The following CCDC146 variants were observed in gnomAD, a reference collection of about 807,000 sequenced individuals.
CCDC146 encodes coiled-coil domain containing 146, also known as coiled-coil domain-containing protein 146.
In CCDC146, 92 loss-of-function variants were observed where a neutral mutation model predicts 119.3. That is an observed-to-expected ratio of 0.77 (90% confidence interval 0.65 to 0.92). CCDC146 has a LOEUF of 0.92. Ranked by LOEUF, CCDC146 falls within the 40% of genes least tolerant of loss-of-function variation. The probability of loss-of-function intolerance (pLI) is 0.00; values close to 1 mark genes in which losing one functional copy is unlikely to be tolerated. For missense variants in CCDC146, 1,000 were observed against 1,103.0 expected, an observed-to-expected ratio of 0.91 and a Z score of 1.32; for synonymous variants, 372 against 371.8, an observed-to-expected ratio of 1.00 and a Z score of -0.01.
chr7:77,198,043 G>A, intron 2 of CCDC146: 2 of 773,204 alleles, frequency 2.6e-6, no homozygotes, highest in Non-Finnish European at 3.1e-6. Flanking sequence ...AAATGTTTAG[G>A]AGAAAAATAG....
chr7:77,196,511 T>C lies in CCDC146; in HGVS notation c.156+28687T>C, dbSNP rs755801771. 5 of 1,614,128 alleles carry C rather than the reference T, an allele frequency of 3.1e-6. No individual in the cohort carries two copies. The highest frequency in any genetic ancestry group is 1.7e-5 in the Admixed American group (1 of 60,026). ...ACAGTTCCCAGAAGGATATCGATCATTGTCTTTATCTGGAGTGGTGAAAAA... is the reference window on the plus strand; with the variant it reads ...ACAGTTCCCAGAAGGATATCGATCACTGTCTTTATCTGGAGTGGTGAAAAA... On this transcript the variant is annotated intron_variant, in intron 2 of 18. Transcript: ENST00000285871. The surrounding 1 kb of genome is among the most constrained non-coding windows in gnomAD (Gnocchi z 4.2).
At chr7:77,288,557 A>T (rs1390399389) in intron 17 of CCDC146, among the ~76,000 whole-genome samples, 1 of 152,246 alleles carries the variant, frequency 6.6e-6, no homozygotes, top group Non-Finnish European at 1.5e-5. Flanking sequence ...CCTTTCATGC[A>T]TACCATAGAG....
At chr7:77,243,634 A>G (rs1471429900) in intron 4 of CCDC146, among the ~76,000 whole-genome samples, 1 of 150,296 alleles carries the variant, frequency 6.7e-6, no homozygotes, top group East Asian at 1.9e-4. Context: ...AGTATTTACT[A>G]TTCGATACAT....
chr7:77,277,542 G>C (rs1057015384), intron 11 of CCDC146, among the ~76,000 whole-genome samples: 1 of 152,058 alleles, frequency 6.6e-6, no homozygotes, highest in African/African-American at 2.4e-5. Context: ...TCCATAAGAA[G>C]GCAATCTTTT....
At chr7:77,168,171 C>T (rs1737032950) in intron 2 of CCDC146, among the ~76,000 whole-genome samples, 1 of 152,068 alleles carries the variant, frequency 6.6e-6, no homozygotes, top group Non-Finnish European at 1.5e-5. Flanking sequence ...AATATCTTGT[C>T]ATATAATGAT....
chr7:77,168,354 G>C (rs866607317), intron 2 of CCDC146, among the ~76,000 whole-genome samples: 1 of 142,962 alleles, frequency 7.0e-6, no homozygotes, highest in Non-Finnish European at 1.5e-5. Context: ...TATGAGGAGA[G>C]TTTTTTTTTT....
intron 1 of CCDC146, among the ~76,000 whole-genome samples, chr7:77,144,492 A>G (rs1242802334): frequency 6.6e-6 from 1 of 151,598 alleles, no homozygotes; most frequent in Non-Finnish European, 1.5e-5. Context: ...CCTGTCTTGT[A>G]CCTGTTTTCA....
Position 77,163,847 on chromosome 7 carries a change from CTTTCTTTTTTTTCT to C in CCDC146, c.-11-3807_-11-3794del, listed in dbSNP as rs1291831101. 2.0e-4 allele frequency among the ~76,000 whole-genome samples: 27 copies of C among 132,892 alleles called. 1 individual carries two copies. The highest frequency in any genetic ancestry group is 6.7e-4 in the East Asian group (3 of 4,498). 87.2% of individuals were successfully genotyped at this position (132,892 alleles called of 152,430 possible). The stretch of plus-strand genomic sequence containing the variant: ...TATTTGAAACAGTTTTTCTTTCTTT[CTTTCTTTTTTTTCT>C]TTTTTTTTTTTTTTTTGAGACAGAG... On this transcript the variant is annotated intron_variant, in intron 1 of 18. Transcript: ENST00000285871.
chr7:77,162,278 G>T (rs1791274134), intron 1 of CCDC146, among the ~76,000 whole-genome samples: 1 of 151,802 alleles, frequency 6.6e-6, no homozygotes, highest in Admixed American at 6.6e-5. Context: ...TATGCTTTCA[G>T]ATCTCATGTT....
At chr7:77,251,678 G>A (rs1793063657) in intron 4 of CCDC146, among the ~76,000 whole-genome samples, 1 of 152,146 alleles carries the variant, frequency 6.6e-6, no homozygotes, top group Admixed American at 6.5e-5. Context: ...TGTAATGGGA[G>A]CCCACAGGAG....
At chr7:77,160,653 T>C (rs71217122) in intron 1 of CCDC146, among the ~76,000 whole-genome samples, 1 of 151,912 alleles carries the variant, frequency 6.6e-6, no homozygotes, top group Non-Finnish European at 1.5e-5. Flanking sequence ...TGCTTATCAG[T>C]TTAAGGAGAT....
intron 2 of CCDC146, among the ~76,000 whole-genome samples, chr7:77,215,261 T>C (rs2093773668): frequency 6.6e-6 from 1 of 151,912 alleles, no homozygotes; most frequent in African/African-American, 2.4e-5. Context: ...TTTATAGTTG[T>C]TAGCTCATTG....
chr7:77,283,530 A>T (rs1352085393), intron 15 of CCDC146, among the ~76,000 whole-genome samples: 1 of 151,868 alleles, frequency 6.6e-6, no homozygotes, highest in Non-Finnish European at 1.5e-5. Context: ...TTGCGTTTGG[A>T]TTTTTTTTCC....
At chr7:77,179,739 C>G (rs1346140292) in intron 2 of CCDC146, among the ~76,000 whole-genome samples, 1 of 152,102 alleles carries the variant, frequency 6.6e-6, no homozygotes, top group Non-Finnish European at 1.5e-5. Context: ...TAAAATTATA[C>G]TATTTTAACT....
intron 1 of CCDC146, among the ~76,000 whole-genome samples, chr7:77,151,356 G>T (rs1287468032): frequency 2.0e-5 from 3 of 152,034 alleles, no homozygotes; most frequent in African/African-American, 7.3e-5. Flanking sequence ...CAAAACTACT[G>T]GTGGTTATCA....
chr7:77,188,072 C>T (rs894070344), intron 2 of CCDC146, among the ~76,000 whole-genome samples: 7 of 152,216 alleles, frequency 4.6e-5, no homozygotes, highest in African/African-American at 1.4e-4. Context: ...CTTCCGATTC[C>T]TGTACGTCAC....
chr7:77,151,295 A>G (rs765865946), intron 1 of CCDC146, among the ~76,000 whole-genome samples: 15 of 152,122 alleles, frequency 9.9e-5, no homozygotes, highest in Non-Finnish European at 1.8e-4. Flanking sequence ...GGCAGGGGAC[A>G]TAAAAATTCT....
At chr7:77,178,545 A>G (rs574338469) in intron 2 of CCDC146, among the ~76,000 whole-genome samples, 1 of 152,070 alleles carries the variant, frequency 6.6e-6, no homozygotes, top group Non-Finnish European at 1.5e-5. Context: ...ATCCTTTTCT[A>G]GTTCTTTACT....
chr7:77,229,395 G>T (rs555830122), intron 2 of CCDC146, among the ~76,000 whole-genome samples: 3 of 152,220 alleles, frequency 2.0e-5, no homozygotes, highest in Admixed American at 6.5e-5. Context: ...CTTTGCCTGT[G>T]TCTATGTCCT....
Sources: allele counts gnomAD v4.1 joint callset (sites outside exome capture counted in the v4.1 genomes callset), GRCh38; gene constraint gnomAD v4.1.1; non-coding constraint Gnocchi (gnomAD v3.1); transcripts MANE v1.5; gene names NCBI Gene and HGNC (gene_info 2026-07-23, HGNC 2026-07-21).